ANO6: variants seen among roughly 807,000 people sequenced by gnomAD.
The protein encoded by ANO6 is anoctamin 6, also known as anoctamin-6.
A neutral mutation model predicts 117.5 loss-of-function variants in ANO6; 106 were observed. The observed-to-expected ratio is 0.90, with a 90% CI of 0.77 to 1.06. The LOEUF is 1.06. Among genes scored for constraint, ANO6 ranks in the 50% least tolerant of loss-of-function variants. The pLI is 0.00. For synonymous variants in ANO6, 367 were observed against 385.1 expected (o/e 0.95, Z 0.55); for missense variants, 955 against 1,121.1 (o/e 0.85, Z 2.12).
At chr12:45,332,959 A>T (rs564977862) in intron 3 of ANO6, among the ~76,000 whole-genome samples, 2 of 149,744 alleles carry the variant, frequency 1.3e-5, no homozygotes, top group East Asian at 3.9e-4. Flanking sequence ...TTTCAAATCA[A>T]TTTTTTTTTT....
At chr12:45,377,715 A>T (rs996385776) in intron 9 of ANO6, among the ~76,000 whole-genome samples, 2 of 152,218 alleles carry the variant, frequency 1.3e-5, no homozygotes, top group Non-Finnish European at 2.9e-5. Context: ...CCTCAAATCC[A>T]TTATGACAGC....
At chr12:45,392,890 G>T (rs1174385249) in intron 12 of ANO6, among the ~76,000 whole-genome samples, 2 of 152,222 alleles carry the variant, frequency 1.3e-5, no homozygotes, top group African/African-American at 2.4e-5. Context: ...AAGATGAGGA[G>T]AAACCAGCAG....
intron 19 of ANO6, among the ~76,000 whole-genome samples, chr12:45,428,563 AGAGT>A (rs1943560201): frequency 6.6e-6 from 1 of 152,232 alleles, no homozygotes; most frequent in Non-Finnish European, 1.5e-5. Flanking sequence ...CCTGGGTGAC[AGAGT>A]GAGAACCTGA....
intron 3 of ANO6, among the ~76,000 whole-genome samples, chr12:45,342,248 T>A (rs535187351): frequency 7.2e-5 from 11 of 152,154 alleles, no homozygotes; most frequent in Non-Finnish European, 1.5e-4. Flanking sequence ...TAGCCTCAGT[T>A]TAGAAACTCC....
chr12:45,405,102 T>C (rs1267422404), intron 15 of ANO6, among the ~76,000 whole-genome samples: 2 of 152,170 alleles, frequency 1.3e-5, no homozygotes, highest in Admixed American at 6.5e-5. Flanking sequence ...ATTCTTTTTT[T>C]TTTTTTATCC....
chr12:45,407,141 A>C (rs1417810164), intron 15 of ANO6, among the ~76,000 whole-genome samples: 5 of 152,216 alleles, frequency 3.3e-5, no homozygotes, highest in Non-Finnish European at 7.3e-5. Context: ...GAGTGGTTCA[A>C]CTCAGGAAAA....
At chr12:45,400,458 A>G (rs2137623455) in intron 12 of ANO6, among the ~76,000 whole-genome samples, 1 of 152,344 alleles carries the variant, frequency 6.6e-6, no homozygotes, top group Middle Eastern at 3.4e-3. Flanking sequence ...ATTACAGGAG[A>G]AATGTAATGC....
At chr12:45,295,640 C>T (rs1029156832) in intron 1 of ANO6, among the ~76,000 whole-genome samples, 2 of 152,052 alleles carry the variant, frequency 1.3e-5, no homozygotes, top group African/African-American at 2.4e-5. Flanking sequence ...CGGCTCACTG[C>T]AACCTCTGCT....
chr12:45,322,932 T>G (rs1020120656), intron 2 of ANO6, among the ~76,000 whole-genome samples: 1 of 152,182 alleles, frequency 6.6e-6, no homozygotes, highest in Non-Finnish European at 1.5e-5. Flanking sequence ...ACTATATCAT[T>G]GAACGTATTT....
intron 15 of ANO6, 23 bp downstream of exon 15, chr12:45,403,559 A>T: frequency 6.3e-7 from 1 of 1,585,408 alleles, no homozygotes; most frequent in Non-Finnish European, 8.7e-7. Flanking sequence ...TTGTATAGCC[A>T]TGGGTAAAAG....
chr12:45,397,315 G>C lies in ANO6; in HGVS notation c.1387-4480G>C, dbSNP rs143871307. On this transcript the variant is annotated intron_variant, in intron 12 of 19. Transcript: ENST00000320560. ...ACCATCTCACACCAGTTAGAATGGT[G>C]ATCATTAAAAAGTCAGGAAACAACA... Among the ~76,000 whole-genome samples the C allele has an allele frequency of 2.0e-3, 304 of 152,226 alleles. 7 individuals carry two copies. The South Asian group carries it at 0.039, about 20-fold the overall frequency.
chr12:45,227,582 C>T (rs144986932), intron 1 of ANO6, among the ~76,000 whole-genome samples: 136 of 152,126 alleles, frequency 8.9e-4, no homozygotes, highest in Non-Finnish European at 1.8e-3. Flanking sequence ...CTTATGAGGG[C>T]AGTTACATTA....
chr12:45,277,335 T>C (rs554751541), intron 1 of ANO6, among the ~76,000 whole-genome samples: 24 of 152,352 alleles, frequency 1.6e-4, no homozygotes, highest in Middle Eastern at 3.4e-3. Flanking sequence ...TTATGAATAA[T>C]TCAACCTCAC....
At chr12:45,417,406 A>G (rs926532564) in intron 17 of ANO6, among the ~76,000 whole-genome samples, 6 of 152,302 alleles carry the variant, frequency 3.9e-5, no homozygotes, top group African/African-American at 1.4e-4. Context: ...CCAGAGCAGC[A>G]GCTCTTAAAG....
At chr12:45,262,549 C>T (rs1183308942) in intron 1 of ANO6, among the ~76,000 whole-genome samples, 6 of 152,184 alleles carry the variant, frequency 3.9e-5, no homozygotes, top group East Asian at 3.9e-4. Flanking sequence ...CTCAGCCTCC[C>T]GAGCAGCTGG....
chr12:45,272,787 T>A (rs1938433099), intron 1 of ANO6, among the ~76,000 whole-genome samples: 1 of 152,212 alleles, frequency 6.6e-6, no homozygotes, highest in Admixed American at 6.5e-5. Context: ...CACATGATCC[T>A]GCAGTCCCAC....
At chr12:45,259,233 C>T (rs1051945631) in intron 1 of ANO6, among the ~76,000 whole-genome samples, 2 of 152,172 alleles carry the variant, frequency 1.3e-5, no homozygotes, top group African/African-American at 4.8e-5. Flanking sequence ...GCACATAGTA[C>T]AAGCTCAAGG....
chr12:45,270,920 A>G (rs1004032084), intron 1 of ANO6, among the ~76,000 whole-genome samples: 2 of 152,060 alleles, frequency 1.3e-5, no homozygotes, highest in Non-Finnish European at 1.5e-5. Flanking sequence ...GGGTTTTGCT[A>G]TGTTGACCTG....
At chr12:45,253,443 A>G (rs1161676154) in intron 1 of ANO6, among the ~76,000 whole-genome samples, 1 of 152,246 alleles carries the variant, frequency 6.6e-6, no homozygotes, top group Admixed American at 6.5e-5. Flanking sequence ...TAACAATGAA[A>G]TGTGAATTCA....
Sources: allele counts gnomAD v4.1 joint callset (sites outside exome capture counted in the v4.1 genomes callset), GRCh38; gene constraint gnomAD v4.1.1; transcripts MANE v1.5; gene names NCBI Gene and HGNC (gene_info 2026-07-23, HGNC 2026-07-21).